SCAF1: variants seen among roughly 807,000 people sequenced by gnomAD.
SCAF1 encodes the protein SR-related CTD associated factor 1.
SCAF1 carries 28 observed loss-of-function variants against 91.2 expected under a neutral mutation model. The observed-to-expected ratio is 0.31, with a 90% CI of 0.23 to 0.42. The LOEUF is 0.42. Ranked by LOEUF, SCAF1 falls within the 10% of genes least tolerant of loss-of-function variation. The pLI, the probability that SCAF1 is intolerant of heterozygous loss-of-function variation, is 1.00. For missense variants in SCAF1, 1,893 were observed against 1,872.1 expected, an observed-to-expected ratio of 1.01 and a Z score of -0.21; for synonymous variants, 1,036 against 833.7, an observed-to-expected ratio of 1.24 and a Z score of -4.18.
chr19:49,654,992 A>C (rs919717753), intron 9 of SCAF1, 122 bp downstream of exon 9: 2 of 765,744 alleles, frequency 2.6e-6, no homozygotes, highest in Non-Finnish European at 4.0e-6. Flanking sequence ...GGCCGTAGAG[A>C]CCAAAGTCAT....
chr19:49,658,421 C>A lies in SCAF1; in HGVS notation c.*22C>A. The A allele has an allele frequency of 7.0e-7, 1 of 1,432,756 alleles. No individual in the cohort carries two copies. Among genetic ancestry groups the A allele is most frequent in the Non-Finnish European group, 9.4e-7 (1 of 1,062,112 alleles). 88.8% of individuals were successfully genotyped at this position (1,432,756 alleles called of 1,614,324 possible). On this transcript the variant is annotated 3_prime_UTR_variant, in exon 11 of 11. Transcript: ENST00000360565. ...CTGAGAGCCCTGGCCAGCTCTTCGCCCCTCACCTCTTTGAAACTCTGGACG... is the reference window on the plus strand; with the variant it reads ...CTGAGAGCCCTGGCCAGCTCTTCGCACCTCACCTCTTTGAAACTCTGGACG...
At chr19:49,654,058 G>T in intron 7 of SCAF1, among the ~76,000 whole-genome samples, 1 of 152,146 alleles carries the variant, frequency 6.6e-6, no homozygotes, top group African/African-American at 2.4e-5. Flanking sequence ...GGGGAGAGAG[G>T]TTGGGACTGG....
chr19:49,647,382 C>T (rs1425406711), intron 6 of SCAF1, among the ~76,000 whole-genome samples: 1 of 152,264 alleles, frequency 6.6e-6, no homozygotes, highest in Non-Finnish European at 1.5e-5. Flanking sequence ...ATGCACATCA[C>T]TGGGCCCACT....
rs768543853 is a variant in SCAF1 at position 49,653,325 on chromosome 19, C to A, written c.2936C>A (p.Pro979His). The A allele has an allele frequency of 2.2e-5, 33 of 1,467,942 alleles. No homozygotes were observed. In the Admixed American group the frequency reaches 6.5e-4, roughly 29 times the overall value. 90.9% of individuals were successfully genotyped at this position (1,467,942 alleles called of 1,614,324 possible). Residue 979 changes from proline to histidine, a missense_variant, in exon 7 of 11, where the codon CCC (proline) becomes CAC (histidine). Pro to His is a moderately conservative substitution (Grantham distance 77). Transcript: ENST00000360565. ...GCCAAGGTTCCTAGCACCCCGCCCC[C>A]CAAGGCAGCCCCACCACCCCCTGCC... is the stretch of plus-strand genomic sequence containing the variant. ...RAAKVPSTPP[P>H]KAAPPPPALT...
rs1176376830 is a variant in SCAF1, at chr19:49,652,142, C to T, written c.1753C>T (p.Arg585Cys). The T allele has an allele frequency of 7.3e-6, 8 of 1,098,960 alleles. No individual in the cohort carries two copies. The highest frequency in any genetic ancestry group is 1.7e-5 in the African/African-American group (1 of 57,802). 68.1% of individuals were successfully genotyped at this position (1,098,960 alleles called of 1,614,324 possible). The change falls in exon 7 of 11, where the codon CGC becomes TGC. Residue 585 changes from arginine to cysteine, a missense_variant. Arg to Cys is a radical substitution (Grantham distance 180). Transcript: ENST00000360565. The stretch of plus-strand genomic sequence containing the variant: ...CCGCTCCCGCTCCCGCTCCACCCGC[C>T]GCCGCTCGCGCAGCACCGACCGCCG... ...RSRSRSRSTRRRSRSTDRRRG... is the reference protein window; with the variant it reads ...RSRSRSRSTRCRSRSTDRRRG...
At position 49,651,078 on chromosome 19, in the gene SCAF1, C is replaced by T; in HGVS notation, c.689C>T (p.Pro230Leu). ...GCCCCCCGATTCGATATCTATGACC[C>T]CTTCCACCCCACCGACGAGGCCTAC... ...PPAPRFDIYD[P>L]FHPTDEAYSP... Residue 230 changes from proline (P) to leucine (L), a missense_variant, in exon 7 of 11, where the codon CCC (proline) becomes CTC (leucine). Around this residue, in one of 5 missense-constraint regions of SCAF1, gnomAD observed 80 missense variants for 116.6 expected, o/e 0.69. Coordinates refer to ENST00000360565, the MANE Select transcript of SCAF1 (RefSeq NM_021228.3). 1 of 1,525,024 alleles carries T rather than the reference C, an allele frequency of 6.6e-7. No homozygotes were observed. The highest frequency in any genetic ancestry group is 8.9e-7 in the Non-Finnish European group (1 of 1,128,016). The allele number at this position is 1,525,024 out of a possible 1,614,324, so 94.5% of individuals were successfully genotyped here.
chr19:49,644,643 C>CA (rs2081044214), intron 1 of SCAF1, among the ~76,000 whole-genome samples: 4 of 152,244 alleles, frequency 2.6e-5, no homozygotes, highest in East Asian at 3.9e-4. Context: ...GCAGCACACA[C>CA]AAAAAACCTT....
rs1454864422 is a variant in SCAF1, at chr19:49,646,127, C to T, written c.186C>T (p.Gly62=). 2.5e-6 allele frequency: 4 copies of T among 1,612,048 alleles called. No homozygotes were observed. The highest frequency in any genetic ancestry group is 4.5e-5 in the East Asian group (2 of 44,874). ...CACCAGATGGCTCTCGGTGTCATGG[C>T]CTTCGATGGCGGCGCTGCCGGAGTC... ...PNDKDGSRCH[G]LRWRRCRSPR... The change falls in exon 4 of 11, where the codon GGC becomes GGT. Residue 62 remains glycine (G), a synonymous_variant. Coordinates refer to ENST00000360565, the MANE Select transcript of SCAF1 (RefSeq NM_021228.3). The surrounding 1 kb of genome is among the most constrained non-coding windows in gnomAD (Gnocchi z 5.6).
chr19:49,650,594 C>T (rs1459884093), intron 6 of SCAF1, among the ~76,000 whole-genome samples: 1 of 152,182 alleles, frequency 6.6e-6, no homozygotes, highest in Non-Finnish European at 1.5e-5. Context: ...TTCGGGGCCG[C>T]ACTGACTGAG....
At chr19:49,643,660 T>TCAG (rs2081039292) in intron 1 of SCAF1, among the ~76,000 whole-genome samples, 1 of 152,248 alleles carries the variant, frequency 6.6e-6, no homozygotes, top group Non-Finnish European at 1.5e-5. Context: ...CAGCCTGTAG[T>TCAG]CAGCAGATGT....
Position 49,646,406 on chromosome 19 carries a change from C to T in SCAF1, c.262-120C>T, listed in dbSNP as rs2081055388. On this transcript the variant is annotated intron_variant, in intron 4 of 10. Transcript: ENST00000360565. This position sits in a 1 kb window ranked among gnomAD's most constrained non-coding sequence, Gnocchi z 5.6. ...GGCAGTCAGGCTATAGGAATTAGAT[C>T]CTCAGTTTTCTTGGGGATCTTAGAT... 6.3e-6 allele frequency: 6 copies of T among 958,386 alleles called. No homozygotes were observed. Among genetic ancestry groups the T allele is most frequent in the Admixed American group, 3.8e-5 (2 of 52,296 alleles). 59.4% of individuals were successfully genotyped at this position (958,386 alleles called of 1,614,324 possible).
Position 49,652,969 on chromosome 19 carries a change from C to A in SCAF1, c.2580C>A (p.Gly860=). 6.2e-7 allele frequency: 1 copy of A among 1,613,940 alleles called. No individual in the cohort carries two copies. The highest frequency in any genetic ancestry group is 8.5e-7 in the Non-Finnish European group (1 of 1,180,014). ...AGGATGCCGCGTCAGCCGGCCTGGGCTCCATTGGCGTCAAATTCAGCCGTG... is the reference window on the plus strand; with the variant it reads ...AGGATGCCGCGTCAGCCGGCCTGGGATCCATTGGCGTCAAATTCAGCCGTG... ...PAKDAASAGL[G]SIGVKFSRDR... is the part of the protein sequence containing the mutation. Residue 860 remains glycine (G), a synonymous_variant, in exon 7 of 11, where the codon GGC becomes GGA. Coordinates refer to ENST00000360565, the MANE Select transcript of SCAF1 (RefSeq NM_021228.3).
Position 49,646,048 on chromosome 19 carries a change from C to T in SCAF1, c.167-60C>T. 1 of 1,476,572 alleles carries T rather than the reference C, an allele frequency of 6.8e-7. No homozygotes were observed. Among genetic ancestry groups the T allele is most frequent in the Non-Finnish European group, 9.4e-7 (1 of 1,059,702 alleles). The allele number at this position is 1,476,572 out of a possible 1,614,324, so 91.5% of individuals were successfully genotyped here. A position where few individuals can be genotyped will look rare whatever the true frequency, so the allele number is the denominator to read the frequency against. Reference sequence around the variant, plus strand: ...CTAGATCAAGCTCCTCTTTCCTCTACCCCGCAAGTCTCTGCAGCAAGTCCC... The same window carrying T: ...CTAGATCAAGCTCCTCTTTCCTCTATCCCGCAAGTCTCTGCAGCAAGTCCC... On this transcript the variant is annotated intron_variant, in intron 3 of 10. Coordinates refer to ENST00000360565, the MANE Select transcript of SCAF1 (RefSeq NM_021228.3). The surrounding 1 kb of genome is among the most constrained non-coding windows in gnomAD (Gnocchi z 5.6).
chr19:49,653,509 G>A lies in SCAF1; in HGVS notation c.3120G>A (p.Gln1040=). ...EEEEEEEEEE[Q]QPATTTATST... ...AGGAAGAGGAAGAGGAGGAGGAGCA[G>A]CAGCCTGCTACCACCACGGCCACCA... is the stretch of plus-strand genomic sequence containing the variant. The change falls in exon 7 of 11, where the codon CAG becomes CAA. Residue 1040 remains glutamine (Q), a synonymous_variant. Coordinates refer to ENST00000360565, the MANE Select transcript of SCAF1 (RefSeq NM_021228.3). 1 of 1,569,014 alleles carries A rather than the reference G, an allele frequency of 6.4e-7. No homozygotes were observed.
In SCAF1 at chr19:49,653,570, G is replaced by A. The variant is rs183980772; in HGVS notation, c.3181G>A (p.Ala1061Thr). The A allele has an allele frequency of 1.3e-4, 211 of 1,588,424 alleles. 2 individuals carry two copies. In the East Asian group the frequency reaches 2.5e-3, roughly 19 times the overall value. Reference sequence around the variant, plus strand: ...AGCCGCCCCAAGCACTGCCCCCAGCGCGGGGTCCACAGCCGGTGACTCGGG... The same window carrying A: ...AGCCGCCCCAAGCACTGCCCCCAGCACGGGGTCCACAGCCGGTGACTCGGG... ...AAAAPSTAPSAGSTAGDSGAE... is the reference protein window; with the variant it reads ...AAAAPSTAPSTGSTAGDSGAE... The change falls in exon 7 of 11, where the codon GCG becomes ACG. Residue 1061 changes from alanine to threonine, a missense_variant. Ala to Thr is a moderately conservative substitution (Grantham distance 58). Around this residue, in one of 5 missense-constraint regions of SCAF1, gnomAD observed 1,436 missense variants for 1,306.8 expected, o/e 1.10. Coordinates refer to ENST00000360565, the MANE Select transcript of SCAF1 (RefSeq NM_021228.3).
At chr19:49,657,328 A>C (rs2081146319) in intron 9 of SCAF1, among the ~76,000 whole-genome samples, 1 of 150,296 alleles carries the variant, frequency 6.7e-6, no homozygotes, top group African/African-American at 2.5e-5. Flanking sequence ...GGGTGACCAG[A>C]GCAGTACTGT....
rs1207459111 is a variant in SCAF1 at position 49,646,591 on chromosome 19, C to A, written c.327C>A (p.Thr109=). The A allele has an allele frequency of 1.2e-6, 2 of 1,614,016 alleles. No homozygotes were observed. Among genetic ancestry groups the A allele is most frequent in the African/African-American group, 2.7e-5 (2 of 74,900 alleles). Residue 109 remains threonine (T), a synonymous_variant, in exon 5 of 11, where the codon ACC becomes ACA. Transcript: ENST00000360565. This position sits in a 1 kb window ranked among gnomAD's most constrained non-coding sequence, Gnocchi z 5.6. ...GLVSVLDPPD[T]WVPSRLDLRP... is the part of the protein sequence containing the mutation. ...TGAGTGTCCTGGATCCCCCGGATAC[C>A]TGGGTTCCCAGCCGCCTGGACCTGC...
intron 9 of SCAF1, among the ~76,000 whole-genome samples, chr19:49,657,194 C>A (rs1160615125): frequency 6.6e-6 from 1 of 152,174 alleles, no homozygotes; most frequent in Non-Finnish European, 1.5e-5. Flanking sequence ...AAAGGTTTGG[C>A]TGAGCATCCC....
chr19:49,651,248 G>C lies in SCAF1; in HGVS notation c.859G>C (p.Glu287Gln). 2 of 1,612,640 alleles carry C rather than the reference G, an allele frequency of 1.2e-6. No individual in the cohort carries two copies. The highest frequency in any genetic ancestry group is 4.5e-5 in the East Asian group (2 of 44,844). The change falls in exon 7 of 11, where the codon GAG (glutamate) becomes CAG (glutamine). Residue 287 changes from glutamate to glutamine, a missense_variant. Transcript: ENST00000360565. ...AGAGGAAGAGGAAGACGAGGAGGAG[G>C]AGGAAGGCCTGTCCCAGAGCATCAG... Reference protein sequence around the residue: ...EEEEEEDEEEEEGLSQSISRI... With the variant: ...EEEEEEDEEEQEGLSQSISRI...
Sources: gnomAD v4.1 joint callset for allele counts (sites outside exome capture counted in the v4.1 genomes callset) on GRCh38, gnomAD v4.1.1 for gene constraint, gnomAD v4.1.1 regional missense constraint, Gnocchi (gnomAD v3.1) non-coding constraint, MANE v1.5 for transcripts, NCBI Gene and HGNC (gene_info 2026-07-23, HGNC 2026-07-21) for gene names.